Variants in RP1 observed in about 807,000 individuals in gnomAD.
The protein encoded by RP1 is RP1 axonemal microtubule associated.
A neutral mutation model predicts 14.8 loss-of-function variants in RP1; 16 were observed. The observed-to-expected ratio is 1.08, with a 90% CI of 0.73 to 1.65. The LOEUF (loss-of-function observed/expected upper bound fraction) is 1.65, where lower values mean the gene tolerates loss of function less well. Ranked by LOEUF, RP1 falls within the 40% of genes most tolerant of loss-of-function variation. The pLI is 0.00. For missense variants in RP1, 2,631 were observed against 2,535.0 expected, an observed-to-expected ratio of 1.04 and a Z score of -0.81; for synonymous variants, 876 against 883.6, an observed-to-expected ratio of 0.99 and a Z score of 0.15.
chr8:54,602,758 GC>G (rs1328624727), intron 1 of RP1, among the ~76,000 whole-genome samples: 4 of 152,170 alleles, frequency 2.6e-5, no homozygotes, highest in Non-Finnish European at 5.9e-5. Flanking sequence ...ATCTCATTGT[GC>G]TTTTGATTTG....
intron 1 of RP1, among the ~76,000 whole-genome samples, chr8:54,581,250 G>A (rs1012953243): frequency 5.3e-5 from 8 of 151,538 alleles, no homozygotes; most frequent in Non-Finnish European, 1.2e-4. Flanking sequence ...GTGAGAAGAT[G>A]TGGTGTTTGG....
intron 6 of RP1, among the ~76,000 whole-genome samples, chr8:54,661,513 G>C (rs1185810477): frequency 6.6e-6 from 1 of 151,418 alleles, no homozygotes; most frequent in Non-Finnish European, 1.5e-5. Context: ...CTTTAGAAAA[G>C]GATTGTCAAG....
At chr8:54,685,651 TA>T (rs1366470792) in intron 12 of RP1, among the ~76,000 whole-genome samples, 1 of 152,174 alleles carries the variant, frequency 6.6e-6, no homozygotes, top group African/African-American at 2.4e-5. Context: ...TGAACTTTCT[TA>T]AAACATGATG....
intron 25 of RP1, among the ~76,000 whole-genome samples, chr8:54,849,306 G>A (rs566255241): frequency 2.6e-5 from 4 of 151,948 alleles, no homozygotes; most frequent in South Asian, 2.1e-4. Flanking sequence ...AGGAGACTAA[G>A]CAGCTGAGTT....
At chr8:54,853,856 GAGAA>G (rs1361016965) in intron 26 of RP1, among the ~76,000 whole-genome samples, 6 of 115,762 alleles carry the variant, frequency 5.2e-5, no homozygotes, top group Non-Finnish European at 9.0e-5. Flanking sequence ...GAGAAAGGAA[GAGAA>G]AGAAAGAAAA....
At chr8:54,808,083 T>C (rs1198232485) in intron 24 of RP1, among the ~76,000 whole-genome samples, 1 of 152,138 alleles carries the variant, frequency 6.6e-6, no homozygotes, top group African/African-American at 2.4e-5. Context: ...CATCATAGCG[T>C]GTAACCATCA....
chr8:54,847,787 A>T (rs1001333738), intron 25 of RP1, among the ~76,000 whole-genome samples: 1 of 152,182 alleles, frequency 6.6e-6, no homozygotes, highest in African/African-American at 2.4e-5. Flanking sequence ...TTCCCAGCTC[A>T]GGCTCTGGGG....
intron 22 of RP1, among the ~76,000 whole-genome samples, chr8:54,762,017 G>T (rs1330013867): frequency 6.6e-6 from 1 of 152,142 alleles, no homozygotes; most frequent in African/African-American, 2.4e-5. Flanking sequence ...TGTCCATGGA[G>T]CCTGGAAGGC....
At chr8:54,854,310 A>T (rs1292457704) in intron 26 of RP1, among the ~76,000 whole-genome samples, 1 of 152,222 alleles carries the variant, frequency 6.6e-6, no homozygotes, top group Non-Finnish European at 1.5e-5. Context: ...AGTCAAATAT[A>T]GCAAAGAAAC....
At chr8:54,817,710 C>T (rs1469157225) in intron 24 of RP1, among the ~76,000 whole-genome samples, 1 of 152,034 alleles carries the variant, frequency 6.6e-6, no homozygotes, top group Non-Finnish European at 1.5e-5. Context: ...TGTAGGGAGA[C>T]TTTCTTTTTG....
At chr8:54,649,827 T>C (rs1260876918) in intron 4 of RP1, among the ~76,000 whole-genome samples, 1 of 152,168 alleles carries the variant, frequency 6.6e-6, no homozygotes, top group Non-Finnish European at 1.5e-5. Flanking sequence ...AGGACAGCCA[T>C]CTCCATGTGA....
At chr8:54,750,175 A>T (rs1463985579) in intron 19 of RP1, among the ~76,000 whole-genome samples, 2 of 152,168 alleles carry the variant, frequency 1.3e-5, no homozygotes, top group African/African-American at 4.8e-5. Flanking sequence ...CACAATCCCA[A>T]ATAATTTTTA....
chr8:54,789,551 C>A (rs1414661541), intron 24 of RP1, among the ~76,000 whole-genome samples: 2 of 152,136 alleles, frequency 1.3e-5, no homozygotes, highest in Non-Finnish European at 2.9e-5. Flanking sequence ...GACCAGGGAG[C>A]TAGGCTAGCA....
intron 1 of RP1, among the ~76,000 whole-genome samples, chr8:54,570,002 C>T (rs1292394970): frequency 6.6e-6 from 1 of 152,184 alleles, no homozygotes; most frequent in Non-Finnish European, 1.5e-5. Context: ...GCTCCTCTTC[C>T]ACCTTCCTTG....
rs563728187 is a variant in RP1 at position 54,855,107 on chromosome 8, T to A, written c.3991-1921T>A. 2.0e-5 allele frequency among the ~76,000 whole-genome samples: 3 copies of A among 152,336 alleles called. No individual in the cohort carries two copies. In the South Asian group the frequency reaches 6.2e-4, roughly 32 times the overall value. On this transcript the variant is annotated intron_variant, in intron 26 of 28. Coordinates refer to the RP1 transcript ENST00000637698. The stretch of plus-strand genomic sequence containing the variant: ...GCCCTTGGCAACCACCATTCTACTT[T>A]ATGTGTCTATGAGTTGACTACTCTA...
At chr8:54,663,149 T>C (rs759094916) in intron 6 of RP1, among the ~76,000 whole-genome samples, 5 of 152,184 alleles carry the variant, frequency 3.3e-5, no homozygotes, top group Non-Finnish European at 7.3e-5. Flanking sequence ...AGTGAATCCA[T>C]GCTGTGTATG....
At chr8:54,755,989 G>T (rs571799436) in intron 21 of RP1, among the ~76,000 whole-genome samples, 3 of 151,814 alleles carry the variant, frequency 2.0e-5, no homozygotes, top group Non-Finnish European at 2.9e-5. Context: ...ATAGAACAAA[G>T]AAAAGATATT....
chr8:54,641,871 A>G (rs1806460640), intron 3 of RP1, among the ~76,000 whole-genome samples: 1 of 152,164 alleles, frequency 6.6e-6, no homozygotes, highest in Non-Finnish European at 1.5e-5. Flanking sequence ...GAGAAAGTTT[A>G]ACTTATCTAA....
chr8:54,852,725 A>G (rs1367648094), exon 26 of RP1: 7 of 1,231,906 alleles, frequency 5.7e-6, no homozygotes, highest in East Asian at 3.2e-5. Flanking sequence ...TTCAGCGTGG[A>G]CAGGTAATAG....
Sources: allele counts gnomAD v4.1 joint callset (sites outside exome capture counted in the v4.1 genomes callset), GRCh38; gene constraint gnomAD v4.1.1; transcripts MANE v1.5; gene names NCBI Gene and HGNC (gene_info 2026-07-23, HGNC 2026-07-21).